NFYC: variants seen among roughly 807,000 people sequenced by gnomAD.
NFYC encodes CAAT box DNA-binding protein subunit C.
A neutral mutation model predicts 53.1 loss-of-function variants in NFYC; 25 were observed. The observed-to-expected ratio is 0.47, with a 90% CI of 0.34 to 0.66. NFYC has a LOEUF of 0.66. Ranked by LOEUF, NFYC falls within the 30% of genes least tolerant of loss-of-function variation. The pLI, the probability that NFYC is intolerant of heterozygous loss-of-function variation, is 0.01. For missense variants in NFYC, 260 were observed against 422.7 expected, an observed-to-expected ratio of 0.62 and a Z score of 3.38; for synonymous variants, 145 against 152.6, an observed-to-expected ratio of 0.95 and a Z score of 0.37.
At chr1:40,712,478 T>C (rs1449045085) in intron 1 of NFYC, 3 of 152,178 alleles carry the variant, frequency 2.0e-5, no homozygotes, top group African/African-American at 7.2e-5. Context: ...AGGTAAGTTG[T>C]AATGGTTGCA....
Position 40,707,358 on chromosome 1 carries a change from G to T in NFYC, c.-9+15491G>T, listed in dbSNP as rs183305389. 1.3e-3 allele frequency among the ~76,000 whole-genome samples: 201 copies of T among 151,168 alleles called. 1 individual carries two copies. Among genetic ancestry groups the T allele is most frequent in the Non-Finnish European group, 2.3e-3 (155 of 67,830 alleles). On this transcript the variant is annotated intron_variant, in intron 1 of 9. Coordinates refer to ENST00000447388, the MANE Select transcript of NFYC (RefSeq NM_014223.5). ...AAAATACAAAAATTAGCTGGGCATGGTGGTGGGTGCCTGTAGTCCCAGCTA... is the reference window on the plus strand; with the variant it reads ...AAAATACAAAAATTAGCTGGGCATGTTGGTGGGTGCCTGTAGTCCCAGCTA...
intron 1 of NFYC, among the ~76,000 whole-genome samples, chr1:40,720,407 T>C (rs1644286817): frequency 6.6e-6 from 1 of 152,234 alleles, no homozygotes; most frequent in South Asian, 2.1e-4. Flanking sequence ...GATAATTGTC[T>C]ACATTTTCCA....
At chr1:40,757,594 C>T (rs1045908347) in intron 5 of NFYC, among the ~76,000 whole-genome samples, 1 of 152,204 alleles carries the variant, frequency 6.6e-6, no homozygotes, top group African/African-American at 2.4e-5. Context: ...TACTTGCCTA[C>T]CAGTGCTCTC....
intron 1 of NFYC, chr1:40,734,746 A>G (rs1377582917): frequency 6.6e-6 from 1 of 152,192 alleles, no homozygotes; most frequent in Non-Finnish European, 1.5e-5. Flanking sequence ...CCTTTTGAAT[A>G]AAAGTACTCA....
chr1:40,751,143 A>G (rs1015394753), intron 4 of NFYC, among the ~76,000 whole-genome samples: 3 of 152,224 alleles, frequency 2.0e-5, no homozygotes, highest in Admixed American at 6.5e-5. Context: ...CCATCAATAT[A>G]GGAATATATA....
chr1:40,704,905 A>G (rs1173860194), intron 1 of NFYC, among the ~76,000 whole-genome samples: 1 of 152,184 alleles, frequency 6.6e-6, no homozygotes, highest in Non-Finnish European at 1.5e-5. Context: ...TGCTAGAGAT[A>G]GAAGAGAGGT....
intron 2 of NFYC, 40 bp downstream of exon 2, chr1:40,738,988 G>C: frequency 7.1e-7 from 1 of 1,400,156 alleles, no homozygotes; most frequent in South Asian, 1.2e-5. Flanking sequence ...AACTTTTAAA[G>C]AGTATAAAGA....
chr1:40,730,662 A>G (rs1363342838), intron 1 of NFYC: 26 of 950,842 alleles, frequency 2.7e-5, no homozygotes, highest in African/African-American at 3.6e-5. Flanking sequence ...GGAGATGCAC[A>G]GGAATGGTTG....
intron 2 of NFYC, among the ~76,000 whole-genome samples, chr1:40,741,329 G>A (rs1645330374): frequency 6.6e-6 from 1 of 152,088 alleles, no homozygotes; most frequent in Admixed American, 6.5e-5. Flanking sequence ...ATAAAATAGG[G>A]TTTGTGTTAT....
At chr1:40,755,378 C>T (rs2148714034) in intron 5 of NFYC, among the ~76,000 whole-genome samples, 1 of 152,326 alleles carries the variant, frequency 6.6e-6, no homozygotes, top group South Asian at 2.1e-4. Context: ...TTGGGGCAAC[C>T]TCCCACTGCT....
chr1:40,753,343 A>C (rs1646021947), intron 5 of NFYC, 97 bp downstream of exon 5: 1 of 784,614 alleles, frequency 1.3e-6, no homozygotes, highest in Non-Finnish European at 2.1e-6. Context: ...GTCATTTGCT[A>C]TTCCTTTTGC....
At chr1:40,722,478 A>T (rs1644362497) in intron 1 of NFYC, among the ~76,000 whole-genome samples, 1 of 152,250 alleles carries the variant, frequency 6.6e-6, no homozygotes, top group South Asian at 2.1e-4. Flanking sequence ...TGTCAAAAGC[A>T]AAGTAAGTCT....
At position 40,762,278 on chromosome 1, in the gene NFYC, C is replaced by T. The variant is rs895349396; in HGVS notation, c.562-610C>T. Among the ~76,000 whole-genome samples, 5 of 152,158 alleles carry T rather than the reference C, an allele frequency of 3.3e-5. No homozygotes were observed. In the South Asian group the frequency reaches 1.0e-3, roughly 32 times the overall value. On this transcript the variant is annotated intron_variant, in intron 6 of 9. Coordinates refer to ENST00000447388, the MANE Select transcript of NFYC (RefSeq NM_014223.5). ...CCAGTGAGTTAGCAGTGTTTGCTCT[C>T]CTTTGGGAAGCCATACTGTGGTCCA...
intron 1 of NFYC, among the ~76,000 whole-genome samples, chr1:40,717,619 G>C (rs749517783): frequency 3.3e-5 from 5 of 152,174 alleles, no homozygotes; most frequent in Non-Finnish European, 7.3e-5. Flanking sequence ...TAAAAGACTA[G>C]AAATACTTCC....
At chr1:40,706,227 C>T (rs961837536) in intron 1 of NFYC, among the ~76,000 whole-genome samples, 2 of 151,892 alleles carry the variant, frequency 1.3e-5, no homozygotes, top group African/African-American at 4.8e-5. Context: ...AGATGTATGG[C>T]TAGGGACCAG....
At chr1:40,711,783 G>A (rs1046033786) in intron 1 of NFYC, among the ~76,000 whole-genome samples, 2 of 152,196 alleles carry the variant, frequency 1.3e-5, no homozygotes, top group African/African-American at 2.4e-5. Context: ...TAGGCCATGG[G>A]TGGCTGTGTG....
chr1:40,699,016 T>G (rs907899505), intron 1 of NFYC, among the ~76,000 whole-genome samples: 1 of 151,860 alleles, frequency 6.6e-6, no homozygotes, highest in Non-Finnish European at 1.5e-5. Flanking sequence ...TACAAAAAAT[T>G]AGCTGGGCGT....
chr1:40,721,984 C>T (rs1644345721), intron 1 of NFYC, among the ~76,000 whole-genome samples: 2 of 152,070 alleles, frequency 1.3e-5, no homozygotes, highest in South Asian at 2.1e-4. Context: ...TCCTGGCTAA[C>T]ACGGTGAAAC....
At position 40,695,162 on chromosome 1, in the gene NFYC, C is replaced by T. The variant is rs1319067470; in HGVS notation, c.-9+3295C>T. ...ACTGAGGCAGGAGAATTGCTGGAAC[C>T]CGGGAGGTAGAGGTTGCAGTGAGCT... On this transcript the variant is annotated intron_variant, in intron 1 of 9. Transcript: ENST00000447388. 2.0e-5 allele frequency among the ~76,000 whole-genome samples: 3 copies of T among 152,050 alleles called. No individual in the cohort carries two copies. The East Asian group carries it at 5.8e-4, about 29-fold the overall frequency.
Sources: allele counts gnomAD v4.1 joint callset (sites outside exome capture counted in the v4.1 genomes callset), GRCh38; gene constraint gnomAD v4.1.1; transcripts MANE v1.5; gene names NCBI Gene and HGNC (gene_info 2026-07-23, HGNC 2026-07-21).